GSN: variants seen among roughly 807,000 people sequenced by gnomAD.
GSN encodes actin-depolymerizing factor.
GSN carries 56 observed loss-of-function variants against 85.7 expected under a neutral mutation model. The ratio of observed to expected loss-of-function variants is 0.65; its 90% confidence interval spans 0.53 to 0.82. The LOEUF is 0.82. Ranked by LOEUF, GSN falls within the 40% of genes least tolerant of loss-of-function variation. The pLI is 0.00. For missense variants in GSN, 857 were observed against 979.8 expected (o/e 0.87, Z 1.67); for synonymous variants, 373 against 399.1 (o/e 0.93, Z 0.78).
At chr9:121,285,367 A>G (rs1417618439) in intron 2 of GSN, 4 of 167,118 alleles carry the variant, frequency 2.4e-5, no homozygotes, top group African/African-American at 9.7e-5. Context: ...GGAAGCCTCT[A>G]GTGGGACACT....
chr9:121,258,843 T>G (rs754537132), intron 6 of GSN, among the ~76,000 whole-genome samples: 7 of 152,238 alleles, frequency 4.6e-5, no homozygotes, highest in Non-Finnish European at 7.3e-5. Flanking sequence ...ACTTGGAATT[T>G]CTTTATTTGA....
At chr9:121,265,376 T>A (rs1191050344), upstream of GSN, 1 of 152,234 alleles carries the variant, frequency 6.6e-6, no homozygotes, top group Non-Finnish European at 1.5e-5. Context: ...GATGGCCACC[T>A]CAAAATGGCA....
chr9:121,297,787 T>A (rs1328088972), intron 2 of GSN: 1 of 152,218 alleles, frequency 6.6e-6, no homozygotes, highest in East Asian at 1.9e-4. Context: ...CCTTTCCAGT[T>A]TTCTTCAAAC....
chr9:121,211,764 G>A (rs1213564514), intron 4 of GSN, among the ~76,000 whole-genome samples: 1 of 152,136 alleles, frequency 6.6e-6, no homozygotes, highest in East Asian at 1.9e-4. Flanking sequence ...GGCAGTTCAA[G>A]TAGATGGGGC....
At chr9:121,251,583 C>A (rs1285095714) in intron 6 of GSN, among the ~76,000 whole-genome samples, 1 of 152,032 alleles carries the variant, frequency 6.6e-6, no homozygotes, top group Admixed American at 6.6e-5. Flanking sequence ...TGTTATATCA[C>A]CTCTAAACAT....
chr9:121,319,814 C>T (rs1324178818), intron 10 of GSN, among the ~76,000 whole-genome samples: 1 of 152,020 alleles, frequency 6.6e-6, no homozygotes, highest in East Asian at 1.9e-4. Context: ...AAGATGATGA[C>T]CTTGAGACTA....
chr9:121,229,300 A>G (rs1245401123), intron 4 of GSN, among the ~76,000 whole-genome samples: 2 of 152,174 alleles, frequency 1.3e-5, no homozygotes, highest in East Asian at 3.9e-4. Flanking sequence ...AGCTCACTGC[A>G]ACCTCCACCT....
chr9:121,252,534 A>G (rs1255425950), intron 6 of GSN, among the ~76,000 whole-genome samples: 1 of 152,226 alleles, frequency 6.6e-6, no homozygotes, highest in Non-Finnish European at 1.5e-5. Flanking sequence ...GAGGAACCAC[A>G]TGACTAGTTT....
intron 4 of GSN, among the ~76,000 whole-genome samples, chr9:121,224,364 G>T (rs1459445144): frequency 6.6e-6 from 1 of 152,212 alleles, no homozygotes; most frequent in Non-Finnish European, 1.5e-5. Flanking sequence ...CTCCCAAAGT[G>T]CTGGGATTAC....
chr9:121,253,949 C>T (rs928450081), intron 6 of GSN, among the ~76,000 whole-genome samples: 2 of 152,168 alleles, frequency 1.3e-5, no homozygotes, highest in Non-Finnish European at 2.9e-5. Flanking sequence ...TCTTCTTCTC[C>T]TTTCCTCTGG....
chr9:121,287,479 C>T (rs1376650065), intron 2 of GSN, among the ~76,000 whole-genome samples: 1 of 152,010 alleles, frequency 6.6e-6, no homozygotes, highest in African/African-American at 2.4e-5. Context: ...GGGGTGGGGC[C>T]TGGGAATCTA....
intron 4 of GSN, among the ~76,000 whole-genome samples, chr9:121,214,789 G>A (rs1464455576): frequency 1.3e-5 from 2 of 152,276 alleles, no homozygotes; most frequent in African/African-American, 2.4e-5. Context: ...CTCTGTTGTA[G>A]CATCTATGCC....
intron 6 of GSN, among the ~76,000 whole-genome samples, chr9:121,249,292 G>T (rs1312268046): frequency 6.6e-6 from 1 of 151,460 alleles, no homozygotes; most frequent in African/African-American, 2.4e-5. Flanking sequence ...AACCTGGTCT[G>T]TACAAAAAAA....
chr9:121,280,762 G>C (rs1443096711), intron 1 of GSN: 1 of 152,156 alleles, frequency 6.6e-6, no homozygotes, highest in Non-Finnish European at 1.5e-5. Context: ...TCCGAGAAGT[G>C]ATGTAGCTTG....
rs1008360165 is a variant in GSN at position 121,236,618 on chromosome 9, A to G, written c.-389+5315A>G. ...AGAGAAAAAAAGAAAAGAAATTTAC[A>G]CAATTTGAAAGGTAGAATGCATGGA... On this transcript the variant is annotated intron_variant, in intron 5 of 24. Coordinates refer to the GSN transcript ENST00000373823. 7.3e-4 allele frequency among the ~76,000 whole-genome samples: 111 copies of G among 152,340 alleles called. 1 individual carries two copies. Among genetic ancestry groups the G allele is most frequent in the African/African-American group, 2.6e-3 (108 of 41,586 alleles).
intron 6 of GSN, among the ~76,000 whole-genome samples, chr9:121,250,486 A>G (rs1164799746): frequency 6.6e-6 from 1 of 151,264 alleles, no homozygotes; most frequent in East Asian, 2.0e-4. Flanking sequence ...TACAGGCGTG[A>G]GCCACGGCGC....
intron 2 of GSN, chr9:121,282,453 T>C: frequency 1.5e-6 from 2 of 1,303,998 alleles, no homozygotes. Flanking sequence ...AGGGGATGAA[T>C]GAATACAGGA....
intron 2 of GSN, 189 bp from the exon 3 acceptor site, chr9:121,301,773 TA>T: frequency 1.2e-6 from 1 of 813,374 alleles, no homozygotes; most frequent in Non-Finnish European, 2.0e-6. Flanking sequence ...TTTTGAAGCA[TA>T]AAACTCTTGC....
At chr9:121,202,988 G>A (rs989804464), upstream of GSN, among the ~76,000 whole-genome samples, 8 of 152,290 alleles carry the variant, frequency 5.3e-5, no homozygotes, top group Admixed American at 3.9e-4. Flanking sequence ...TTAGCCGGGC[G>A]TGGTGGCGGG....
Sources: gnomAD v4.1 joint callset for allele counts (sites outside exome capture counted in the v4.1 genomes callset) on GRCh38, gnomAD v4.1.1 for gene constraint, MANE v1.5 for transcripts, NCBI Gene and HGNC (gene_info 2026-07-23, HGNC 2026-07-21) for gene names.